FER: variants seen among roughly 807,000 people sequenced by gnomAD.
The protein encoded by FER is FER tyrosine kinase, also known as tyrosine-protein kinase Fer.
In FER, 63 loss-of-function variants were observed where a neutral mutation model predicts 111.0. That is an observed-to-expected ratio of 0.57 (90% CI 0.46 to 0.70). FER has a LOEUF of 0.70. FER is among the 30% of genes least tolerant of loss of function. The pLI, the probability that FER is intolerant of heterozygous loss-of-function variation, is 0.00. For synonymous variants in FER, 327 were observed against 313.9 expected, an observed-to-expected ratio of 1.04 and a Z score of -0.44; for missense variants, 914 against 954.0, an observed-to-expected ratio of 0.96 and a Z score of 0.55.
At chr5:109,099,319 G>A (rs1216480767) in intron 16 of FER, among the ~76,000 whole-genome samples, 1 of 151,494 alleles carries the variant, frequency 6.6e-6, no homozygotes, top group Admixed American at 6.6e-5. Context: ...CTCTTAAAAT[G>A]TGGCTAGTGC....
chr5:109,190,729 GTAAT>G lies in FER; in HGVS notation c.*3156_*3159del. ...AGAGGTCTCCAGTGAAAGGTCTCAT[GTAAT>G]TGTTTCTCTTTTATCTCCCAAATTT... On this transcript the variant is annotated 3_prime_UTR_variant, in exon 20 of 20. Coordinates refer to ENST00000281092, the MANE Select transcript of FER (RefSeq NM_005246.4). The G allele has an allele frequency of 6.6e-6, 1 of 152,258 alleles. No individual in the cohort carries two copies. Among genetic ancestry groups the G allele is most frequent in the South Asian group, 2.1e-4 (1 of 4,832 alleles). The allele number at this position is 152,258 out of a possible 1,614,324, so 9.4% of individuals were successfully genotyped here.
chr5:108,752,058 C>A (rs1039318540), intron 1 of FER, among the ~76,000 whole-genome samples: 2 of 151,934 alleles, frequency 1.3e-5, no homozygotes, highest in African/African-American at 4.8e-5. Flanking sequence ...TTCCAAATTT[C>A]ATTTGTCTTT....
chr5:109,009,849 A>G (rs760395014), intron 13 of FER, among the ~76,000 whole-genome samples: 2 of 152,156 alleles, frequency 1.3e-5, no homozygotes, highest in African/African-American at 2.4e-5. Context: ...TAGTCTTTTA[A>G]GCCCAGGTTT....
intron 13 of FER, among the ~76,000 whole-genome samples, chr5:109,019,317 C>T (rs1423984999): frequency 6.6e-6 from 1 of 151,678 alleles, no homozygotes; most frequent in Admixed American, 6.6e-5. Flanking sequence ...CAATAGCAGT[C>T]TAGAAGACAC....
chr5:108,955,647 G>A (rs1758329332), intron 12 of FER, among the ~76,000 whole-genome samples: 1 of 151,720 alleles, frequency 6.6e-6, no homozygotes, highest in Non-Finnish European at 1.5e-5. Flanking sequence ...TGAAAGAATT[G>A]ATGCCTCTGT....
intron 10 of FER, among the ~76,000 whole-genome samples, chr5:108,937,358 T>C (rs1348792512): frequency 6.6e-6 from 1 of 151,972 alleles, no homozygotes; most frequent in African/African-American, 2.4e-5. Context: ...ATATTGACTT[T>C]TATCTACCTC....
At chr5:108,750,108 A>G (rs892249494) in intron 1 of FER, among the ~76,000 whole-genome samples, 13 of 152,294 alleles carry the variant, frequency 8.5e-5, no homozygotes, top group African/African-American at 2.9e-4. Flanking sequence ...GGTGTACTCC[A>G]TTTTCCTTTT....
chr5:108,807,248 C>A (rs1401451487), intron 3 of FER, among the ~76,000 whole-genome samples: 1 of 152,194 alleles, frequency 6.6e-6, no homozygotes, highest in African/African-American at 2.4e-5. Flanking sequence ...CCACGTGGAA[C>A]TGTAAGTCCA....
intron 1 of FER, among the ~76,000 whole-genome samples, chr5:108,766,511 T>C (rs1447096802): frequency 1.3e-5 from 2 of 152,220 alleles, no homozygotes; most frequent in Admixed American, 6.5e-5. Context: ...ACATATAGAT[T>C]AGATTTCCAA....
chr5:108,974,865 C>T (rs974673095), intron 13 of FER, among the ~76,000 whole-genome samples: 2 of 152,146 alleles, frequency 1.3e-5, no homozygotes, highest in African/African-American at 2.4e-5. Flanking sequence ...CATAGCTCTG[C>T]AGACATTATG....
intron 16 of FER, chr5:109,051,967 A>G: frequency 6.3e-7 from 1 of 1,589,682 alleles, no homozygotes; most frequent in Non-Finnish European, 8.6e-7. Flanking sequence ...CACCTCAAAG[A>G]TAGACTTGAA....
At chr5:108,895,904 G>T (rs552744745) in intron 9 of FER, among the ~76,000 whole-genome samples, 1 of 152,028 alleles carries the variant, frequency 6.6e-6, no homozygotes, top group East Asian at 1.9e-4. Flanking sequence ...ATTTCATTTT[G>T]CAAAGTTTAT....
At chr5:109,044,916 A>C in intron 15 of FER, 121 bp downstream of exon 15, 1 of 522,328 alleles carries the variant, frequency 1.9e-6, no homozygotes, top group Non-Finnish European at 3.3e-6. Flanking sequence ...CTTTTACAGT[A>C]TGGAATCCAA....
chr5:109,094,867 G>C (rs17534675), intron 16 of FER, among the ~76,000 whole-genome samples: 2,190 of 152,188 alleles, frequency 0.014, 21 homozygotes, highest in Middle Eastern at 0.024. Context: ...GGCTGAATTA[G>C]ATTATCTCCA....
intron 5 of FER, among the ~76,000 whole-genome samples, chr5:108,845,950 G>A (rs982771666): frequency 2.0e-5 from 3 of 152,004 alleles, no homozygotes; most frequent in Non-Finnish European, 4.4e-5. Context: ...ATAAAATCTC[G>A]CTAGTCATGA....
At chr5:108,983,043 A>G (rs1762175154) in intron 13 of FER, among the ~76,000 whole-genome samples, 1 of 152,032 alleles carries the variant, frequency 6.6e-6, no homozygotes, top group African/African-American at 2.4e-5. Context: ...GATGGTATAT[A>G]TTTTGTGCCA....
chr5:108,892,342 T>C (rs1238318526), intron 9 of FER, among the ~76,000 whole-genome samples: 1 of 152,186 alleles, frequency 6.6e-6, no homozygotes, highest in African/African-American at 2.4e-5. Flanking sequence ...TTCCTGACTT[T>C]TTAATGATTG....
chr5:108,976,056 C>G (rs977198003), intron 13 of FER, among the ~76,000 whole-genome samples: 4 of 152,134 alleles, frequency 2.6e-5, no homozygotes, highest in Non-Finnish European at 5.9e-5. Flanking sequence ...ATGGGAGTCA[C>G]CAATATGTAG....
Position 108,878,666 on chromosome 5 carries a change from C to T in FER, c.924-4730C>T, listed in dbSNP as rs533952411. ...GCTTATAAAATTGGAGTGTGGGGAA[C>T]ATCTTTAAGAAAATCTATACAAACT... On this transcript the variant is annotated intron_variant, in intron 8 of 19. Transcript: ENST00000281092. 3.9e-5 allele frequency among the ~76,000 whole-genome samples: 6 copies of T among 152,098 alleles called. No individual in the cohort carries two copies. In the East Asian group the frequency reaches 1.2e-3, roughly 29 times the overall value.
Sources: gnomAD v4.1 joint callset for allele counts (sites outside exome capture counted in the v4.1 genomes callset) on GRCh38, gnomAD v4.1.1 for gene constraint, MANE v1.5 for transcripts, NCBI Gene and HGNC (gene_info 2026-07-23, HGNC 2026-07-21) for gene names.